Variants in SPATS2 observed in about 807,000 individuals in gnomAD.
The protein encoded by SPATS2 is spermatogenesis associated serine rich 2.
SPATS2 carries 38 observed loss-of-function variants against 63.7 expected under a neutral mutation model. That is an observed-to-expected ratio of 0.60 (90% CI 0.46 to 0.78). The LOEUF (loss-of-function observed/expected upper bound fraction) is 0.78. Among genes scored for constraint, SPATS2 ranks in the 30% least tolerant of loss-of-function variants. SPATS2 has a pLI of 0.00. For synonymous variants in SPATS2, 207 were observed against 232.9 expected (o/e 0.89, Z 1.01); for missense variants, 588 against 666.2 (o/e 0.88, Z 1.29).
chr12:49,405,569 C>G (rs907604603), intron 2 of SPATS2, among the ~76,000 whole-genome samples: 5 of 152,240 alleles, frequency 3.3e-5, no homozygotes, highest in South Asian at 2.1e-4. Context: ...CGTGGTGACC[C>G]ATGCCTGTAA....
At chr12:49,511,207 A>C (rs575865636) in intron 9 of SPATS2, among the ~76,000 whole-genome samples, 1 of 152,208 alleles carries the variant, frequency 6.6e-6, no homozygotes, top group African/African-American at 2.4e-5. Context: ...GAAAAAAAAA[A>C]AACACATCTT....
rs141609726 is a variant in SPATS2, at chr12:49,421,819, C to T, written c.-243-38951C>T. ...ATTAGTGTTGAATTTGGACTATGTA[C>T]GCTACCTAAACTGTAGCTTCAAATA... On this transcript the variant is annotated intron_variant, in intron 2 of 13. Transcript: ENST00000552918. Among the ~76,000 whole-genome samples the T allele has an allele frequency of 2.8e-3, 426 of 152,264 alleles. 10 individuals carry two copies. The East Asian group carries it at 0.032, about 11-fold the overall frequency.
In SPATS2 at chr12:49,456,000, CAACCTCAGGCTAG is replaced by C. The variant is rs1307933405; in HGVS notation, c.-243-4769_-243-4757del. 5.3e-5 allele frequency among the ~76,000 whole-genome samples: 8 copies of C among 152,360 alleles called. No homozygotes were observed. The East Asian group carries it at 1.5e-3, about 29-fold the overall frequency. On this transcript the variant is annotated intron_variant, in intron 2 of 13. Transcript: ENST00000552918. ...CTTTTGCTTGCACCAACCATGACAG[CAACCTCAGGCTAG>C]CTGAGCCCTTGGTCTTGCTTGTTTG...
At chr12:49,433,918 C>A (rs12312499) in intron 2 of SPATS2, among the ~76,000 whole-genome samples, 134 of 152,254 alleles carry the variant, frequency 8.8e-4, no homozygotes, top group African/African-American at 2.8e-3. Flanking sequence ...TTAGGTCTTA[C>A]ATTTGGTTCC....
In SPATS2 at chr12:49,527,187, A is replaced by C. The variant is rs958051050; in HGVS notation, c.*932A>C. 6.6e-6 allele frequency: 1 copy of C among 150,654 alleles called. No homozygotes were observed. Among genetic ancestry groups the C allele is most frequent in the Non-Finnish European group, 1.5e-5 (1 of 67,822 alleles). The allele number at this position is 150,654 out of a possible 1,614,324, so 9.3% of individuals were successfully genotyped here. On this transcript the variant is annotated 3_prime_UTR_variant, in exon 14 of 14. Transcript: ENST00000552918. ...GGCTGCAGTGAGCTGAGATTGTGCC[A>C]CTGCACTCCAGCCTGGGAGACAGAG... is the stretch of plus-strand genomic sequence containing the variant.
chr12:49,526,669 A>G lies in SPATS2; in HGVS notation c.*414A>G, dbSNP rs1008278330. ...AACAACTATTTGACCAAGAGAGGCA[A>G]TCAGGGGGTTGTATACTGCACTGGA... On this transcript the variant is annotated 3_prime_UTR_variant, in exon 14 of 14. Transcript: ENST00000552918. The G allele has an allele frequency of 2.7e-5, 5 of 183,290 alleles. No individual in the cohort carries two copies. Among genetic ancestry groups the G allele is most frequent in the African/African-American group, 7.1e-5 (3 of 41,998 alleles). 11.4% of individuals were successfully genotyped at this position (183,290 alleles called of 1,614,324 possible).
At chr12:49,485,757 C>CTTTT (rs1304633706) in intron 4 of SPATS2, among the ~76,000 whole-genome samples, 3 of 128,938 alleles carry the variant, frequency 2.3e-5, no homozygotes, top group Admixed American at 8.0e-5. Flanking sequence ...TATGGGCTCT[C>CTTTT]TTTTTTTTTT....
intron 9 of SPATS2, among the ~76,000 whole-genome samples, chr12:49,503,773 C>T (rs1269494429): frequency 6.6e-6 from 1 of 152,124 alleles, no homozygotes; most frequent in Non-Finnish European, 1.5e-5. Context: ...TGATTCCATT[C>T]GGAACAAGCT....
intron 2 of SPATS2, among the ~76,000 whole-genome samples, chr12:49,387,334 G>A (rs1944334362): frequency 6.6e-6 from 1 of 151,938 alleles, no homozygotes; most frequent in East Asian, 1.9e-4. Flanking sequence ...AACAGTGTGG[G>A]GATTAGAATG....
chr12:49,490,778 T>A, intron 6 of SPATS2, 47 bp downstream of exon 6: 1 of 1,570,152 alleles, frequency 6.4e-7, no homozygotes, highest in Non-Finnish European at 8.7e-7. Context: ...ATATTATTTT[T>A]AAAAATTTAG....
At chr12:49,494,060 T>C (rs1946426553) in intron 6 of SPATS2, among the ~76,000 whole-genome samples, 1 of 152,206 alleles carries the variant, frequency 6.6e-6, no homozygotes, top group Non-Finnish European at 1.5e-5. Flanking sequence ...TATATAGAAA[T>C]CACTTTGCAT....
chr12:49,437,010 T>C (rs1338101696), intron 2 of SPATS2, among the ~76,000 whole-genome samples: 1 of 151,126 alleles, frequency 6.6e-6, no homozygotes, highest in Non-Finnish European at 1.5e-5. Context: ...GGCGGGGGGC[T>C]GACCCCCACC....
intron 2 of SPATS2, among the ~76,000 whole-genome samples, chr12:49,423,183 A>T (rs1592380925): frequency 6.7e-6 from 1 of 150,116 alleles, no homozygotes; most frequent in Non-Finnish European, 1.5e-5. Context: ...CCCAGGCTGG[A>T]GTGCAGTGGT....
At chr12:49,371,756 G>C (rs1291596280) in intron 2 of SPATS2, among the ~76,000 whole-genome samples, 2 of 151,990 alleles carry the variant, frequency 1.3e-5, no homozygotes, top group Admixed American at 6.6e-5. Context: ...GAGAGAGGTG[G>C]GGGGAAGTGC....
chr12:49,432,466 C>T (rs1353874044), intron 2 of SPATS2, among the ~76,000 whole-genome samples: 2 of 152,214 alleles, frequency 1.3e-5, no homozygotes, highest in South Asian at 2.1e-4. Flanking sequence ...AGTGAGACTC[C>T]GTCTCAAAAT....
chr12:49,433,620 A>T (rs118057846), intron 2 of SPATS2, among the ~76,000 whole-genome samples: 1 of 151,626 alleles, frequency 6.6e-6, no homozygotes, highest in East Asian at 1.9e-4. Context: ...TCCTTTGCCT[A>T]TTGTACAGTT....
chr12:49,460,915 C>T lies in SPATS2; in HGVS notation c.-98C>T. Reference sequence around the variant, plus strand: ...ATTTTTTGCTTCCAACTGCACACTTCCGTTGCCCACTTTTAAATCAGAGAT... The same window carrying T: ...ATTTTTTGCTTCCAACTGCACACTTTCGTTGCCCACTTTTAAATCAGAGAT... On this transcript the variant is annotated 5_prime_UTR_variant, in exon 3 of 14. Coordinates refer to ENST00000552918, the MANE Select transcript of SPATS2 (RefSeq NM_023071.4). The T allele has an allele frequency of 4.2e-6, 6 of 1,427,826 alleles. No individual in the cohort carries two copies. The highest frequency in any genetic ancestry group is 5.8e-6 in the Non-Finnish European group (6 of 1,025,990). 88.4% of individuals were successfully genotyped at this position (1,427,826 alleles called of 1,614,324 possible).
At chr12:49,399,213 G>A (rs1164207185) in intron 2 of SPATS2, among the ~76,000 whole-genome samples, 1 of 151,854 alleles carries the variant, frequency 6.6e-6, no homozygotes, top group Non-Finnish European at 1.5e-5. Context: ...TGTGAATATG[G>A]TTTATAGAAT....
chr12:49,459,372 G>A (rs190006281), intron 2 of SPATS2, among the ~76,000 whole-genome samples: 105 of 151,714 alleles, frequency 6.9e-4, no homozygotes, highest in African/African-American at 2.5e-3. Flanking sequence ...TTTTGAGATG[G>A]GGTTTCACTC....
Sources: gnomAD v4.1 joint callset for allele counts (sites outside exome capture counted in the v4.1 genomes callset) on GRCh38, gnomAD v4.1.1 for gene constraint, MANE v1.5 for transcripts, NCBI Gene and HGNC (gene_info 2026-07-23, HGNC 2026-07-21) for gene names.